Variants in SLC14A2 observed in about 807,000 individuals in gnomAD.
SLC14A2 encodes the protein urea transporter 2.
A neutral mutation model predicts 104.6 loss-of-function variants in SLC14A2; 91 were observed. That is an observed-to-expected ratio of 0.87 (90% CI 0.73 to 1.04). SLC14A2 has a LOEUF of 1.04. Among genes scored for constraint, SLC14A2 ranks in the 50% least tolerant of loss-of-function variants. The pLI, the probability that SLC14A2 is intolerant of heterozygous loss-of-function variation, is 0.00. For missense variants in SLC14A2, 1,189 were observed against 1,156.0 expected (o/e 1.03, Z -0.41); for synonymous variants, 476 against 466.4 (o/e 1.02, Z -0.27).
rs2144676719 is a variant in SLC14A2, at chr18:45,683,550, TC to T, written c.*1033del. On this transcript the variant is annotated 3_prime_UTR_variant, in exon 20 of 20. Transcript: ENST00000255226. ...ATTCACTGAAAATGCCAATGTGCTT[TC>T]CTTTACATTACAGAAATATTTCTGG... 6.6e-6 allele frequency: 1 copy of T among 152,374 alleles called. No homozygotes were observed. The highest frequency in any genetic ancestry group is 2.1e-4 in the South Asian group (1 of 4,826). The allele number at this position is 152,374 out of a possible 1,614,324, so 9.4% of individuals were successfully genotyped here.
At chr18:45,170,444 G>T in the SLC14A2 span, among the ~76,000 whole-genome samples, 2 of 152,196 alleles carry the variant, frequency 1.3e-5, no homozygotes, top group African/African-American at 4.8e-5. Context: ...GAGGAGAAAT[G>T]TAGGTTGGTG....
the SLC14A2 span, among the ~76,000 whole-genome samples, chr18:45,199,156 C>T: frequency 1.1e-4 from 16 of 148,516 alleles, no homozygotes. Flanking sequence ...GAAAAATAAG[C>T]TGCCAACCAG....
chr18:45,216,895 C>T (rs1298017155), intron 1 of SLC14A2, among the ~76,000 whole-genome samples: 2 of 152,194 alleles, frequency 1.3e-5, no homozygotes, highest in African/African-American at 2.4e-5. Context: ...TCCTCCTTAT[C>T]TGGAAAAGCA....
At chr18:45,419,978 T>C (rs778732053) in intron 1 of SLC14A2, among the ~76,000 whole-genome samples, 52 of 152,170 alleles carry the variant, frequency 3.4e-4, no homozygotes, top group Non-Finnish European at 5.1e-4. Flanking sequence ...TTCCAAAATA[T>C]AATGGCTTAA....
At chr18:45,403,375 T>G (rs1200760428) in intron 1 of SLC14A2, among the ~76,000 whole-genome samples, 2 of 152,232 alleles carry the variant, frequency 1.3e-5, no homozygotes, top group African/African-American at 2.4e-5. Context: ...GTCCATAACA[T>G]GGAATAATAA....
At chr18:45,434,820 A>T (rs2086571106) in intron 1 of SLC14A2, among the ~76,000 whole-genome samples, 1 of 152,224 alleles carries the variant, frequency 6.6e-6, no homozygotes, top group Non-Finnish European at 1.5e-5. Context: ...AAAATGAAGC[A>T]AATTGCCACC....
the SLC14A2 span, among the ~76,000 whole-genome samples, chr18:45,176,130 G>T: frequency 6.6e-6 from 1 of 152,158 alleles, no homozygotes; most frequent in African/African-American, 2.4e-5. Context: ...CCTAGGAAGA[G>T]AATGAGCTTG....
intron 2 of SLC14A2, among the ~76,000 whole-genome samples, chr18:45,582,061 A>G (rs932559397): frequency 6.6e-6 from 1 of 152,232 alleles, no homozygotes; most frequent in South Asian, 2.1e-4. Flanking sequence ...GGCCTGAACA[A>G]TGAGATATAG....
intron 2 of SLC14A2, among the ~76,000 whole-genome samples, chr18:45,541,592 G>A (rs2043884212): frequency 1.3e-5 from 2 of 152,214 alleles, no homozygotes; most frequent in African/African-American, 4.8e-5. Flanking sequence ...TTAAAAGTTA[G>A]TTAAAATGTA....
chr18:45,407,507 A>G (rs1352337616), intron 1 of SLC14A2, among the ~76,000 whole-genome samples: 1 of 152,212 alleles, frequency 6.6e-6, no homozygotes, highest in African/African-American at 2.4e-5. Flanking sequence ...TCACTGGAGT[A>G]GCATCTTTAA....
intron 1 of SLC14A2, among the ~76,000 whole-genome samples, chr18:45,325,215 T>C (rs974704673): frequency 2.0e-5 from 3 of 152,202 alleles, no homozygotes; most frequent in African/African-American, 7.2e-5. Context: ...CGGGTGAGTC[T>C]CAGCTTCTGA....
At chr18:45,311,913 T>C (rs965535297) in intron 1 of SLC14A2, among the ~76,000 whole-genome samples, 3 of 152,170 alleles carry the variant, frequency 2.0e-5, no homozygotes, top group African/African-American at 7.2e-5. Context: ...TGTGTCAGAA[T>C]GGGAGAACAG....
intron 1 of SLC14A2, among the ~76,000 whole-genome samples, chr18:45,245,970 T>A (rs1157165125): frequency 6.6e-6 from 1 of 152,230 alleles, no homozygotes; most frequent in Non-Finnish European, 1.5e-5. Context: ...CTAGAGCAGC[T>A]TCTGTGTAGA....
chr18:45,654,050 A>C (rs1043615732), intron 10 of SLC14A2, among the ~76,000 whole-genome samples: 1 of 151,760 alleles, frequency 6.6e-6, no homozygotes, highest in Non-Finnish European at 1.5e-5. Context: ...AAGGAAACCT[A>C]CCTGATCCAA....
intron 1 of SLC14A2, among the ~76,000 whole-genome samples, chr18:45,335,150 C>A (rs2085326723): frequency 6.6e-6 from 1 of 152,064 alleles, no homozygotes; most frequent in South Asian, 2.1e-4. Context: ...CCTTTGTCAT[C>A]CCTCCTTTCC....
intron 1 of SLC14A2, among the ~76,000 whole-genome samples, chr18:45,333,277 CA>C (rs377559839): frequency 8.1e-5 from 12 of 148,926 alleles, no homozygotes; most frequent in African/African-American, 2.0e-4. Flanking sequence ...TAGATAGAGG[CA>C]AAAAAAAATC....
chr18:45,512,749 G>A (rs1468742368), intron 2 of SLC14A2, among the ~76,000 whole-genome samples: 2 of 152,140 alleles, frequency 1.3e-5, no homozygotes, highest in African/African-American at 2.4e-5. Context: ...ACATACATCA[G>A]ACTCATTCTG....
intron 2 of SLC14A2, among the ~76,000 whole-genome samples, chr18:45,539,368 C>T (rs1242430368): frequency 6.6e-6 from 1 of 152,236 alleles, no homozygotes; most frequent in Non-Finnish European, 1.5e-5. Flanking sequence ...TAGAAACCCA[C>T]CTGCCAGGAC....
At chr18:45,387,623 T>C (rs566472469) in intron 1 of SLC14A2, among the ~76,000 whole-genome samples, 1 of 152,340 alleles carries the variant, frequency 6.6e-6, no homozygotes, top group African/African-American at 2.4e-5. Flanking sequence ...AATTTCTTAA[T>C]GACTGCTAGT....
Sources: gnomAD v4.1 joint callset for allele counts (sites outside exome capture counted in the v4.1 genomes callset) on GRCh38, gnomAD v4.1.1 for gene constraint, MANE v1.5 for transcripts, NCBI Gene and HGNC (gene_info 2026-07-23, HGNC 2026-07-21) for gene names.